MMRN1: variants seen among roughly 807,000 people sequenced by gnomAD.
MMRN1 encodes the protein multimerin-1.
MMRN1 carries 94 observed loss-of-function variants against 100.7 expected under a neutral mutation model. That is an observed-to-expected ratio of 0.93 (90% CI 0.79 to 1.11). MMRN1 has a LOEUF of 1.11. MMRN1 is among the 50% of genes least tolerant of loss of function. The probability of loss-of-function intolerance (pLI) is 0.00; values close to 1 mark genes in which losing one functional copy is unlikely to be tolerated. For synonymous variants in MMRN1, 575 were observed against 505.0 expected (o/e 1.14, Z -1.86); for missense variants, 1,606 against 1,439.1 (o/e 1.12, Z -1.88).
At chr4:89,921,600 C>T (rs1482668034) in intron 3 of MMRN1, among the ~76,000 whole-genome samples, 1 of 152,088 alleles carries the variant, frequency 6.6e-6, no homozygotes, top group Non-Finnish European at 1.5e-5. Flanking sequence ...GCAATCCATC[C>T]CCTAAATAAT....
intron 1 of MMRN1, among the ~76,000 whole-genome samples, chr4:89,903,317 T>C (rs554722028): frequency 6.6e-6 from 1 of 151,904 alleles, no homozygotes; most frequent in African/African-American, 2.4e-5. Flanking sequence ...AGTATTTATG[T>C]TCATGACTTC....
At chr4:89,924,739 G>A (rs1336154978) in intron 4 of MMRN1, among the ~76,000 whole-genome samples, 1 of 152,110 alleles carries the variant, frequency 6.6e-6, no homozygotes, top group African/African-American at 2.4e-5. Context: ...AGCTACTTGG[G>A]AGGCTGAGGC....
chr4:89,948,247 T>C lies in MMRN1; in HGVS notation c.3119-3358T>C, dbSNP rs1012939520. On this transcript the variant is annotated intron_variant, in intron 6 of 7. Coordinates refer to ENST00000264790, the MANE Select transcript of MMRN1 (RefSeq NM_007351.3). ...TCTTTAGTTGTCTGTTATAAGGCTC[T>C]GTACTTGTCACTAATCCATCAGGTA... is the stretch of plus-strand genomic sequence containing the variant. Among the ~76,000 whole-genome samples the C allele has an allele frequency of 5.3e-5, 8 of 152,352 alleles. No individual in the cohort carries two copies. The South Asian group carries it at 1.2e-3, about 24-fold the overall frequency.
At chr4:89,883,849 G>A (rs2110568501) in intron 1 of MMRN1, among the ~76,000 whole-genome samples, 1 of 152,068 alleles carries the variant, frequency 6.6e-6, no homozygotes, top group East Asian at 1.9e-4. Context: ...CCTTATACTT[G>A]CATCTACAAG....
At chr4:89,941,398 C>G (rs1722818966) in intron 6 of MMRN1, among the ~76,000 whole-genome samples, 1 of 152,138 alleles carries the variant, frequency 6.6e-6, no homozygotes, top group African/African-American at 2.4e-5. Context: ...TTATGTTTAT[C>G]CCTCCCATGA....
rs567283280 is a variant in MMRN1, at chr4:89,953,325, G to A, written c.3594G>A (p.Gly1198=). Residue 1198 remains glycine (G), a synonymous_variant, in exon 8 of 8, where the codon GGG becomes GGA. Transcript: ENST00000264790. The part of the protein sequence containing the change: ...TGDALLELNY[G]QEVWLRLAKG... Reference sequence around the variant, plus strand: ...ATGCCTTATTAGAATTAAATTATGGGCAGGAAGTCTGGTTACGACTTGCAA... The same window carrying A: ...ATGCCTTATTAGAATTAAATTATGGACAGGAAGTCTGGTTACGACTTGCAA... The A allele has an allele frequency of 6.2e-7, 1 of 1,613,724 alleles. No individual in the cohort carries two copies. The highest frequency in any genetic ancestry group is 1.7e-5 in the Admixed American group (1 of 59,988).
At chr4:89,916,373 AAAAC>A (rs1204392550) in intron 3 of MMRN1, among the ~76,000 whole-genome samples, 3 of 145,946 alleles carry the variant, frequency 2.1e-5, no homozygotes, top group African/African-American at 8.0e-5. Context: ...TGAAAAAAAA[AAAAC>A]AAACAAACAA....
intron 6 of MMRN1, among the ~76,000 whole-genome samples, chr4:89,939,263 G>T (rs1294887022): frequency 6.6e-6 from 1 of 152,030 alleles, no homozygotes; most frequent in Non-Finnish European, 1.5e-5. Context: ...AAAGCCAGAA[G>T]ATAATTTATC....
chr4:89,914,550 T>C (rs1372507), intron 3 of MMRN1, among the ~76,000 whole-genome samples: 91,258 of 151,062 alleles, frequency 0.6, 28,010 homozygotes, highest in East Asian at 0.77. Flanking sequence ...AAAAAAGGAG[T>C]ACTAAGTCCA....
intron 1 of MMRN1, among the ~76,000 whole-genome samples, chr4:89,906,767 G>A (rs1290567685): frequency 6.6e-6 from 1 of 151,366 alleles, no homozygotes. Context: ...CACACCAGGG[G>A]CTCTTTTGCT....
chr4:89,924,469 AGTTT>A (rs1410817478), intron 4 of MMRN1, among the ~76,000 whole-genome samples: 1 of 152,010 alleles, frequency 6.6e-6, no homozygotes, highest in Non-Finnish European at 1.5e-5. Flanking sequence ...CTGCAAATAT[AGTTT>A]GTTTGAATTA....
intron 5 of MMRN1, among the ~76,000 whole-genome samples, chr4:89,931,352 T>G (rs1722427760): frequency 6.6e-6 from 1 of 152,170 alleles, no homozygotes; most frequent in African/African-American, 2.4e-5. Flanking sequence ...GTTAAAAACT[T>G]ACTTACAAAA....
At chr4:89,884,375 A>G (rs930335876) in intron 1 of MMRN1, among the ~76,000 whole-genome samples, 4 of 152,010 alleles carry the variant, frequency 2.6e-5, no homozygotes, top group Non-Finnish European at 5.9e-5. Flanking sequence ...ATTTTTGGCA[A>G]TATCTTGTTG....
chr4:89,912,116 T>TC, intron 3 of MMRN1, 66 bp downstream of exon 3: 1 of 1,156,874 alleles, frequency 8.6e-7, no homozygotes, highest in Non-Finnish European at 1.2e-6. Flanking sequence ...AAGAAAAGAA[T>TC]AGCATTTCCC....
chr4:89,880,494 T>G (rs1720793563), intron 1 of MMRN1, among the ~76,000 whole-genome samples: 2 of 152,148 alleles, frequency 1.3e-5, no homozygotes, highest in African/African-American at 4.8e-5. Context: ...TCAGAAAATC[T>G]GCAAGTTGTC....
chr4:89,918,771 G>A (rs1188396288), intron 3 of MMRN1, among the ~76,000 whole-genome samples: 1 of 151,716 alleles, frequency 6.6e-6, no homozygotes, highest in Non-Finnish European at 1.5e-5. Flanking sequence ...CACTATTATT[G>A]CACAGGCTTC....
rs972672631 is a variant in MMRN1 at position 89,951,545 on chromosome 4, A to C, written c.3119-60A>C. On this transcript the variant is annotated intron_variant, in intron 6 of 7. Coordinates refer to ENST00000264790, the MANE Select transcript of MMRN1 (RefSeq NM_007351.3). ...CTATTCTGCTGCAAACTACGATTTG[A>C]GATCAACAGGAAAATAGGTCACTTT... 3 of 1,423,796 alleles carry C rather than the reference A, an allele frequency of 2.1e-6. No individual in the cohort carries two copies. The African/African-American group carries it at 4.5e-5, about 21-fold the overall frequency. 88.2% of individuals were successfully genotyped at this position (1,423,796 alleles called of 1,614,324 possible).
intron 7 of MMRN1, among the ~76,000 whole-genome samples, chr4:89,952,657 AATAATC>A (rs1203090033): frequency 6.6e-6 from 1 of 152,206 alleles, no homozygotes; most frequent in Admixed American, 6.5e-5. Context: ...ACATAACCAT[AATAATC>A]ATAGAGTGCT....
rs751009441 is a variant in MMRN1 at position 89,935,994 on chromosome 4, A to G, written c.2314A>G (p.Ile772Val). The G allele has an allele frequency of 1.2e-6, 2 of 1,613,228 alleles. No homozygotes were observed. The highest frequency in any genetic ancestry group is 1.7e-6 in the Non-Finnish European group (2 of 1,179,528). Reference protein sequence around the residue: ...HHKCTSDMETILTFIPQFHRL... With the variant: ...HHKCTSDMETVLTFIPQFHRL... ...TAAATGTACCTCCGATATGGAAACTATTTTGACATTTATTCCTCAGTTCCA... is the reference window on the plus strand; with the variant it reads ...TAAATGTACCTCCGATATGGAAACTGTTTTGACATTTATTCCTCAGTTCCA... The change falls in exon 6 of 8, where the codon ATT becomes GTT. Residue 772 changes from isoleucine to valine, a missense_variant. By Grantham distance (29) the Ile-to-Val change is conservative. Coordinates refer to ENST00000264790, the MANE Select transcript of MMRN1 (RefSeq NM_007351.3).
Sources: gnomAD v4.1 joint callset for allele counts (sites outside exome capture counted in the v4.1 genomes callset) on GRCh38, gnomAD v4.1.1 for gene constraint, MANE v1.5 for transcripts, NCBI Gene and HGNC (gene_info 2026-07-23, HGNC 2026-07-21) for gene names.